The following PTPN3 variants were observed in gnomAD, a reference collection of about 807,000 sequenced individuals.
The protein encoded by PTPN3 is protein tyrosine phosphatase non-receptor type 3.
PTPN3 carries 96 observed loss-of-function variants against 132.7 expected under a neutral mutation model. That is an observed-to-expected ratio of 0.72 (90% confidence interval 0.61 to 0.86). The LOEUF is 0.86. Among genes scored for constraint, PTPN3 ranks in the 40% least tolerant of loss-of-function variants. The pLI, the probability that PTPN3 is intolerant of heterozygous loss-of-function variation, is 0.00. For missense variants in PTPN3, 1,125 were observed against 1,159.6 expected (o/e 0.97, Z 0.43); for synonymous variants, 398 against 429.0 (o/e 0.93, Z 0.89).
chr9:109,483,146 C>T (rs1029423725), intron 1 of PTPN3, among the ~76,000 whole-genome samples: 1 of 152,234 alleles, frequency 6.6e-6, no homozygotes, highest in Non-Finnish European at 1.5e-5. Flanking sequence ...TGCCATTCCC[C>T]CATGGAGCCC....
intron 1 of PTPN3, among the ~76,000 whole-genome samples, chr9:109,497,697 G>A (rs1288196199): frequency 6.6e-6 from 1 of 152,190 alleles, no homozygotes; most frequent in Admixed American, 6.5e-5. Context: ...GCGGAACGGG[G>A]AGGATTTATT....
intron 14 of PTPN3, among the ~76,000 whole-genome samples, chr9:109,416,840 T>C (rs765492662): frequency 1.3e-5 from 2 of 152,182 alleles, no homozygotes; most frequent in African/African-American, 2.4e-5. Flanking sequence ...GAAGAAGTTA[T>C]GCAGGCATGA....
intron 22 of PTPN3, among the ~76,000 whole-genome samples, chr9:109,388,044 G>A (rs1020321780): frequency 6.6e-6 from 1 of 152,172 alleles, no homozygotes; most frequent in African/African-American, 2.4e-5. Context: ...TGGGGAGCGG[G>A]GGTGGACTCC....
chr9:109,441,277 T>C (rs1288868185), intron 7 of PTPN3, among the ~76,000 whole-genome samples: 1 of 151,418 alleles, frequency 6.6e-6, no homozygotes, highest in Non-Finnish European at 1.5e-5. Context: ...TTTCTTCTGG[T>C]TGATAATATT....
intron 19 of PTPN3, among the ~76,000 whole-genome samples, chr9:109,391,874 G>GA (rs953527422): frequency 4.7e-5 from 5 of 105,780 alleles, no homozygotes; most frequent in East Asian, 3.1e-4. Flanking sequence ...TAGATGTGGG[G>GA]GGGGGGGGGA....
intron 1 of PTPN3, among the ~76,000 whole-genome samples, chr9:109,474,708 A>G (rs750811327): frequency 5.3e-5 from 8 of 152,178 alleles, no homozygotes; most frequent in Non-Finnish European, 1.0e-4. Context: ...TCTTAGCGAA[A>G]TCTCAGGGCG....
the PTPN3 span, among the ~76,000 whole-genome samples, chr9:109,522,381 G>A: frequency 1.3e-5 from 2 of 152,156 alleles, no homozygotes; most frequent in South Asian, 2.1e-4. Flanking sequence ...GAGGATGATG[G>A]CCAAGATTCA....
intron 19 of PTPN3, among the ~76,000 whole-genome samples, chr9:109,396,541 C>T (rs1351497404): frequency 3.9e-5 from 6 of 152,116 alleles, no homozygotes; most frequent in South Asian, 2.1e-4. Context: ...CACAGGGATA[C>T]AAAATGACAA....
At position 109,454,564 on chromosome 9, in the gene PTPN3, G is replaced by C; in HGVS notation, c.300C>G (p.Pro100=). The change falls in exon 5 of 26, where the codon CCC becomes CCG. Residue 100 remains proline (P), a synonymous_variant. Transcript: ENST00000374541. The part of the protein sequence containing the change: ...AIRKQLKGGF[P]CTLHFRVRFF... ...ATCTTACTCGAAAATGCAGGGTACA[G>C]GGGAAACCTCCTACAACATTTTTCA... The C allele has an allele frequency of 6.2e-7, 1 of 1,612,738 alleles. No homozygotes were observed. The highest frequency in any genetic ancestry group is 8.5e-7 in the Non-Finnish European group (1 of 1,179,096).
At chr9:109,434,727 T>C (rs962968757) in intron 9 of PTPN3, among the ~76,000 whole-genome samples, 2 of 152,184 alleles carry the variant, frequency 1.3e-5, no homozygotes, top group African/African-American at 2.4e-5. Context: ...ATTTTTCTTC[T>C]TGTACAATAA....
At chr9:109,515,176 C>T in the PTPN3 span, among the ~76,000 whole-genome samples, 3 of 152,164 alleles carry the variant, frequency 2.0e-5, no homozygotes, top group Non-Finnish European at 4.4e-5. Context: ...GCACATGCCA[C>T]TATGCCTAGC....
chr9:109,509,687 A>T, the PTPN3 span, among the ~76,000 whole-genome samples: 1 of 152,198 alleles, frequency 6.6e-6, no homozygotes, highest in Non-Finnish European at 1.5e-5. Flanking sequence ...GTGATATTTT[A>T]AAAATGTGCA....
rs1847115467 is a variant in PTPN3, at chr9:109,484,413, C to T, written c.-18+13806G>A. ...GGGGGCCCGGTGATGGTCCCAGGCTCACCACCTGTGCTGAGAGCTAACACT... is the reference window on the plus strand; with the variant it reads ...GGGGGCCCGGTGATGGTCCCAGGCTTACCACCTGTGCTGAGAGCTAACACT... On this transcript the variant is annotated intron_variant, in intron 1 of 25. Transcript: ENST00000374541. Among the ~76,000 whole-genome samples, 5 of 152,192 alleles carry T rather than the reference C, an allele frequency of 3.3e-5. No individual in the cohort carries two copies. The South Asian group carries it at 1.0e-3, about 32-fold the overall frequency.
At chr9:109,479,012 T>G (rs796344806) in intron 1 of PTPN3, among the ~76,000 whole-genome samples, 7 of 151,772 alleles carry the variant, frequency 4.6e-5, no homozygotes, top group African/African-American at 4.8e-5. Context: ...AACAAGCGTT[T>G]TTTTTTTTTT....
At chr9:109,410,167 T>C in intron 15 of PTPN3, 62 bp downstream of exon 15, 1 of 1,611,344 alleles carries the variant, frequency 6.2e-7, no homozygotes. Flanking sequence ...GCTACTCAGC[T>C]GCCCACAAGA....
chr9:109,440,995 G>A (rs1844424587), intron 7 of PTPN3, among the ~76,000 whole-genome samples: 1 of 152,126 alleles, frequency 6.6e-6, no homozygotes, highest in Admixed American at 6.5e-5. Context: ...GTTACTCATG[G>A]TAACCCTGTG....
At chr9:109,432,836 G>A (rs1346530658) in intron 10 of PTPN3, among the ~76,000 whole-genome samples, 3 of 152,120 alleles carry the variant, frequency 2.0e-5, no homozygotes, top group Non-Finnish European at 4.4e-5. Context: ...TATCCACCAG[G>A]TTTCCAGAGT....
chr9:109,449,822 C>A (rs1360271948), intron 5 of PTPN3: 1 of 985,280 alleles, frequency 1.0e-6, no homozygotes, highest in African/African-American at 1.7e-5. Flanking sequence ...AAATCAGTTT[C>A]ATTATTCCTT....
At chr9:109,484,117 T>C (rs1328247767) in intron 1 of PTPN3, among the ~76,000 whole-genome samples, 2 of 152,164 alleles carry the variant, frequency 1.3e-5, no homozygotes. Context: ...CTCTGCAGTG[T>C]CCACCTCAGG....
Sources: allele counts gnomAD v4.1 joint callset (sites outside exome capture counted in the v4.1 genomes callset), GRCh38; gene constraint gnomAD v4.1.1; transcripts MANE v1.5; gene names NCBI Gene and HGNC (gene_info 2026-07-23, HGNC 2026-07-21).